Variants in PEMT observed in about 807,000 individuals in gnomAD.
PEMT encodes the protein phosphatidylethanolamine N-methyltransferase.
PEMT carries 23 observed loss-of-function variants against 27.4 expected under a neutral mutation model. The observed-to-expected ratio is 0.84, with a 90% confidence interval of 0.60 to 1.19. The LOEUF (loss-of-function observed/expected upper bound fraction) is 1.19. PEMT is among the 50% of genes most tolerant of loss of function. The pLI, the probability that PEMT is intolerant of heterozygous loss-of-function variation, is 0.00. For missense variants in PEMT, 307 were observed against 310.1 expected, an observed-to-expected ratio of 0.99 and a Z score of 0.07; for synonymous variants, 137 against 139.1, an observed-to-expected ratio of 0.98 and a Z score of 0.11.
intron 2 of PEMT, among the ~76,000 whole-genome samples, chr17:17,566,269 T>C (rs1051707150): frequency 6.6e-6 from 1 of 152,090 alleles, no homozygotes; most frequent in Non-Finnish European, 1.5e-5. Context: ...CATGAGAAAG[T>C]GGGGAACAGC....
chr17:17,590,999 G>A (rs1912555815), intron 1 of PEMT, among the ~76,000 whole-genome samples: 1 of 152,188 alleles, frequency 6.6e-6, no homozygotes, highest in Non-Finnish European at 1.5e-5. Context: ...CTGGGAGACA[G>A]GCAGGGTCCC....
rs374095753 is a variant in PEMT, at chr17:17,552,686, A to G, written c.204+24234T>C. ...TGGAAATGTGCTTGATCCATAATTA[A>G]CAAGGGGGCAAGGCCATGCTGTCGT... On this transcript the variant is annotated intron_variant, in intron 2 of 6. Transcript: ENST00000255389. Among the ~76,000 whole-genome samples, 4 of 152,330 alleles carry G rather than the reference A, an allele frequency of 2.6e-5. No homozygotes were observed. The South Asian group carries it at 8.3e-4, about 32-fold the overall frequency.
chr17:17,558,693 A>C (rs1424161787), intron 2 of PEMT, among the ~76,000 whole-genome samples: 7 of 127,646 alleles, frequency 5.5e-5, no homozygotes, highest in South Asian at 2.3e-4. Context: ...AAAAAAAAAA[A>C]AAAAAACAAA....
rs573046062 is a variant in PEMT at position 17,520,598 on chromosome 17, C to T, written c.320+1682G>A. Reference sequence around the variant, plus strand: ...ATTGTAAGCATGCAGGCTGTGCAGACGCACAGGCCCCGAGGCGGTGCCATG... The same window carrying T: ...ATTGTAAGCATGCAGGCTGTGCAGATGCACAGGCCCCGAGGCGGTGCCATG... On this transcript the variant is annotated intron_variant, in intron 3 of 6. Transcript: ENST00000255389. Among the ~76,000 whole-genome samples the T allele has an allele frequency of 7.2e-5, 11 of 152,368 alleles. No individual in the cohort carries two copies. The South Asian group carries it at 1.0e-3, about 14-fold the overall frequency.
At chr17:17,581,720 G>A (rs907479636) in intron 1 of PEMT, among the ~76,000 whole-genome samples, 2 of 152,170 alleles carry the variant, frequency 1.3e-5, no homozygotes, top group Non-Finnish European at 2.9e-5. Flanking sequence ...CCTGTGCCCA[G>A]GTCCCAATGG....
chr17:17,506,190 GGCAGCCACGCCCCCACCCGCC>G lies in PEMT; in HGVS notation c.653+16_653+36del. ...CTAGAGGGAGAGACAGGGCCAGTCGGGCAGCCACGCCCCCACCCGCCGCAGCCCCTACTCACTCTTCGTATA... is the reference window on the plus strand; with the variant it reads ...CTAGAGGGAGAGACAGGGCCAGTCGGGCAGCCCCTACTCACTCTTCGTATA... On this transcript the variant is annotated intron_variant, in intron 6 of 6. Coordinates refer to ENST00000255389, the MANE Select transcript of PEMT (RefSeq NM_148172.3). 6.8e-7 allele frequency: 1 copy of G among 1,471,334 alleles called. No individual in the cohort carries two copies. Among genetic ancestry groups the G allele is most frequent in the Non-Finnish European group, 9.3e-7 (1 of 1,075,790 alleles). 91.1% of individuals were successfully genotyped at this position (1,471,334 alleles called of 1,614,324 possible).
rs1018630958 is a variant in PEMT, at chr17:17,512,334, C to T, written c.466+175G>A. On this transcript the variant is annotated intron_variant, in intron 4 of 6. Transcript: ENST00000255389. The surrounding 1 kb of genome is among the most constrained non-coding windows in gnomAD (Gnocchi z 6.3). ...GGTAAGAGGAGCTGTTGGAGCCCAG[C>T]CTCCTGTTCTAACCACAGACAAGCC... is the stretch of plus-strand genomic sequence containing the variant. 5.3e-5 allele frequency among the ~76,000 whole-genome samples: 8 copies of T among 152,182 alleles called. No homozygotes were observed. The highest frequency in any genetic ancestry group is 1.9e-4 in the African/African-American group (8 of 41,456).
In PEMT at chr17:17,512,297, T is replaced by C. The variant is rs930178981; in HGVS notation, c.466+212A>G. On this transcript the variant is annotated intron_variant, in intron 4 of 6. Coordinates refer to ENST00000255389, the MANE Select transcript of PEMT (RefSeq NM_148172.3). The surrounding 1 kb of genome is among the most constrained non-coding windows in gnomAD (Gnocchi z 6.3). ...CCTTCACTCCCCAGGAGGCAGCCGCTCAGCACGCTGGGGTAAGAGGAGCTG... is the reference window on the plus strand; with the variant it reads ...CCTTCACTCCCCAGGAGGCAGCCGCCCAGCACGCTGGGGTAAGAGGAGCTG... Among the ~76,000 whole-genome samples the C allele has an allele frequency of 1.3e-5, 2 of 152,150 alleles. No homozygotes were observed. The highest frequency in any genetic ancestry group is 4.8e-5 in the African/African-American group (2 of 41,444).
intron 2 of PEMT, among the ~76,000 whole-genome samples, chr17:17,544,596 C>T (rs1468973742): frequency 6.6e-6 from 1 of 152,180 alleles, no homozygotes; most frequent in African/African-American, 2.4e-5. Flanking sequence ...GAAGTCCCCC[C>T]ACTGCCCCGA....
chr17:17,591,816 G>C, upstream of PEMT: 6 of 1,409,684 alleles, frequency 4.3e-6, no homozygotes, highest in Non-Finnish European at 5.5e-6. Flanking sequence ...GCTCGCGACA[G>C]CGTCTAGAGG....
intron 2 of PEMT, among the ~76,000 whole-genome samples, chr17:17,524,612 A>T (rs139369679): frequency 0.045 from 6,875 of 151,310 alleles, 292 homozygotes; most frequent in South Asian, 0.22. Flanking sequence ...AAAAAAAAAA[A>T]AAATAATAAA....
At chr17:17,592,057 C>T (rs1306979303), upstream of PEMT, 1 of 985,348 alleles carries the variant, frequency 1.0e-6, no homozygotes, top group African/African-American at 1.7e-5. Flanking sequence ...CAGCCTCCTG[C>T]GGACTTGGAC....
intron 2 of PEMT, among the ~76,000 whole-genome samples, chr17:17,544,373 C>T (rs1280016850): frequency 5.3e-5 from 8 of 150,430 alleles, no homozygotes; most frequent in African/African-American, 1.7e-4. Context: ...CTCCACCTCC[C>T]GGGTTCAAGC....
chr17:17,558,605 C>T (rs1910236200), intron 2 of PEMT, among the ~76,000 whole-genome samples: 2 of 151,306 alleles, frequency 1.3e-5, no homozygotes, highest in South Asian at 2.1e-4. Context: ...ATCGCCTGAG[C>T]CCAGGAGGCA....
chr17:17,511,779 C>T (rs950501905), intron 4 of PEMT, among the ~76,000 whole-genome samples: 3 of 152,130 alleles, frequency 2.0e-5, no homozygotes, highest in South Asian at 4.2e-4. Flanking sequence ...GTTCCGAAGG[C>T]CCCCTCTTGT....
chr17:17,555,464 G>C (rs1909986959), intron 2 of PEMT, among the ~76,000 whole-genome samples: 1 of 152,186 alleles, frequency 6.6e-6, no homozygotes, highest in South Asian at 2.1e-4. Flanking sequence ...CCCCTGCAAG[G>C]TGAGGAGGAA....
chr17:17,507,016 G>A, intron 5 of PEMT: 2 of 721,008 alleles, frequency 2.8e-6, no homozygotes, highest in Non-Finnish European at 4.7e-6. Context: ...AGCATCGCCA[G>A]GGGCTCTTTG....
intron 2 of PEMT, among the ~76,000 whole-genome samples, chr17:17,539,562 G>A (rs1035972010): frequency 2.0e-5 from 3 of 152,342 alleles, no homozygotes; most frequent in African/African-American, 4.8e-5. Flanking sequence ...TGGTGTGGAC[G>A]TGCCACAGTC....
intron 2 of PEMT, among the ~76,000 whole-genome samples, chr17:17,525,269 A>G (rs1373193149): frequency 6.6e-6 from 1 of 152,220 alleles, no homozygotes; most frequent in African/African-American, 2.4e-5. Context: ...TCTAACGACA[A>G]CAGAAAAGCA....
Sources: gnomAD v4.1 joint callset for allele counts (sites outside exome capture counted in the v4.1 genomes callset) on GRCh38, gnomAD v4.1.1 for gene constraint, Gnocchi (gnomAD v3.1) non-coding constraint, MANE v1.5 for transcripts, NCBI Gene and HGNC (gene_info 2026-07-23, HGNC 2026-07-21) for gene names.